The following CALN1 variants were observed in gnomAD, a reference collection of about 807,000 sequenced individuals.
CALN1 encodes calcium-binding protein 8.
CALN1 carries 17 observed loss-of-function variants against 30.6 expected under a neutral mutation model. The observed-to-expected ratio is 0.56, with a 90% CI of 0.38 to 0.83. The LOEUF is 0.83. Ranked by LOEUF, CALN1 falls within the 40% of genes least tolerant of loss-of-function variation. CALN1 has a pLI of 0.00. For missense variants in CALN1, 291 were observed against 354.9 expected, an observed-to-expected ratio of 0.82 and a Z score of 1.45; for synonymous variants, 156 against 131.4, an observed-to-expected ratio of 1.19 and a Z score of -1.28.
chr7:72,418,633 T>A (rs930823359), intron 1 of CALN1, among the ~76,000 whole-genome samples: 1 of 151,900 alleles, frequency 6.6e-6, no homozygotes, highest in Admixed American at 6.6e-5. Context: ...CCGGCTCACA[T>A]AGGGCTCCTG....
At chr7:72,207,538 G>A (rs1309689088) in intron 3 of CALN1, among the ~76,000 whole-genome samples, 3 of 152,182 alleles carry the variant, frequency 2.0e-5, no homozygotes, top group Non-Finnish European at 4.4e-5. Flanking sequence ...CTGGAGTGCA[G>A]TGGTGCAATC....
At chr7:72,279,700 A>G (rs1230954244) in intron 2 of CALN1, among the ~76,000 whole-genome samples, 1 of 152,222 alleles carries the variant, frequency 6.6e-6, no homozygotes, top group Non-Finnish European at 1.5e-5. Flanking sequence ...ACGACAAGAA[A>G]GAGGAAAGGC....
At chr7:72,337,740 C>A (rs1415041998) in intron 2 of CALN1, 5 of 152,394 alleles carry the variant, frequency 3.3e-5, no homozygotes, top group African/African-American at 1.2e-4. Context: ...CTGGAGACGT[C>A]CAGGGAGGCA....
At chr7:71,913,635 A>G (rs111882772) in intron 5 of CALN1, 11,141 of 152,354 alleles carry the variant, frequency 0.073, 1,311 homozygotes, top group African/African-American at 0.25. Context: ...CAGAGGTGCA[A>G]TCCTAGCTCA....
At chr7:72,500,269 CTTTTTTTTTTTTTT>C in the CALN1 span, among the ~76,000 whole-genome samples, 6 of 51,362 alleles carry the variant, frequency 1.2e-4, no homozygotes, top group Admixed American at 3.1e-4. Context: ...TTCGTTCCTT[CTTTTTTTTTTTTTT>C]TTTTTTTTTT....
At chr7:72,328,535 G>T (rs1169627151) in intron 2 of CALN1, among the ~76,000 whole-genome samples, 1 of 152,194 alleles carries the variant, frequency 6.6e-6, no homozygotes, top group African/African-American at 2.4e-5. Flanking sequence ...TTTATTAGCA[G>T]TGTGAGAACA....
intron 2 of CALN1, among the ~76,000 whole-genome samples, chr7:72,303,448 T>C (rs955400881): frequency 6.6e-6 from 1 of 151,888 alleles, no homozygotes; most frequent in Non-Finnish European, 1.5e-5. Flanking sequence ...TCCCAGCTAC[T>C]TGGGAGGCTG....
intron 5 of CALN1, among the ~76,000 whole-genome samples, chr7:71,970,903 G>C (rs998421030): frequency 2.0e-5 from 3 of 152,194 alleles, no homozygotes; most frequent in African/African-American, 7.2e-5. Flanking sequence ...GCAAAATTGA[G>C]AGCCAATTTC....
At chr7:72,231,263 T>A (rs192032256) in intron 3 of CALN1, among the ~76,000 whole-genome samples, 1 of 152,298 alleles carries the variant, frequency 6.6e-6, no homozygotes, top group East Asian at 1.9e-4. Context: ...TTAGCTATTT[T>A]TCCTAATGCT....
At chr7:72,110,488 T>C (rs775249710) in intron 3 of CALN1, among the ~76,000 whole-genome samples, 41 of 152,178 alleles carry the variant, frequency 2.7e-4, no homozygotes, top group Non-Finnish European at 5.0e-4. Flanking sequence ...AGGCCACACA[T>C]CAGCTCAGGG....
chr7:72,189,299 C>T (rs1055520493), intron 3 of CALN1, among the ~76,000 whole-genome samples: 2 of 152,090 alleles, frequency 1.3e-5, no homozygotes, highest in East Asian at 1.9e-4. Context: ...AAGTAATATC[C>T]GTGTATTGTT....
At chr7:72,036,637 T>G (rs2129533055) in intron 4 of CALN1, among the ~76,000 whole-genome samples, 1 of 152,314 alleles carries the variant, frequency 6.6e-6, no homozygotes, top group Non-Finnish European at 1.5e-5. Flanking sequence ...TCATTTCCAT[T>G]ATTATACTTT....
At chr7:72,232,181 C>T (rs1296881894) in intron 3 of CALN1, among the ~76,000 whole-genome samples, 1 of 152,156 alleles carries the variant, frequency 6.6e-6, no homozygotes, top group Non-Finnish European at 1.5e-5. Flanking sequence ...GATGTAGGAG[C>T]ATGCATCAGC....
At chr7:72,348,127 A>C (rs1252268038) in intron 2 of CALN1, among the ~76,000 whole-genome samples, 1 of 152,224 alleles carries the variant, frequency 6.6e-6, no homozygotes, top group Non-Finnish European at 1.5e-5. Flanking sequence ...TCTCAAAGAA[A>C]AAAAAGAAAC....
At chr7:72,472,967 A>T in the CALN1 span, among the ~76,000 whole-genome samples, 5 of 152,138 alleles carry the variant, frequency 3.3e-5, no homozygotes, top group African/African-American at 1.2e-4. Context: ...TGCTGCTGCT[A>T]GTCTAACCTT....
At chr7:72,255,696 G>A (rs78193153) in intron 3 of CALN1, among the ~76,000 whole-genome samples, 16,179 of 150,136 alleles carry the variant, frequency 0.11, 1,257 homozygotes, top group East Asian at 0.41. Flanking sequence ...GATTACAGCT[G>A]TGAGCCACCA....
intron 1 of CALN1, among the ~76,000 whole-genome samples, chr7:72,408,950 T>C (rs1316692059): frequency 6.6e-6 from 1 of 152,008 alleles, no homozygotes; most frequent in East Asian, 1.9e-4. Context: ...AGTGCTGGGA[T>C]TGCAGGTGTG....
At chr7:72,151,295 CT>C (rs1787225531) in intron 3 of CALN1, among the ~76,000 whole-genome samples, 1 of 152,116 alleles carries the variant, frequency 6.6e-6, no homozygotes, top group Non-Finnish European at 1.5e-5. Context: ...CGTTCCTTGG[CT>C]TGTAGATCTC....
At chr7:72,161,055 G>A (rs1318179569) in intron 3 of CALN1, among the ~76,000 whole-genome samples, 1 of 152,184 alleles carries the variant, frequency 6.6e-6, no homozygotes. Flanking sequence ...GATGAAAAGG[G>A]CAGACAGAGC....
Sources: gnomAD v4.1 joint callset for allele counts (sites outside exome capture counted in the v4.1 genomes callset) on GRCh38, gnomAD v4.1.1 for gene constraint, MANE v1.5 for transcripts, NCBI Gene and HGNC (gene_info 2026-07-23, HGNC 2026-07-21) for gene names.